The following PPP1R9B variants were observed in gnomAD, a reference collection of about 807,000 sequenced individuals.
The protein encoded by PPP1R9B is neurabin-2.
Under a neutral mutation model 75.8 loss-of-function variants are expected in PPP1R9B, and 17 were observed. The observed-to-expected ratio is 0.22, with a 90% CI of 0.15 to 0.34. The LOEUF (loss-of-function observed/expected upper bound fraction) is 0.34, where lower values mean the gene tolerates loss of function less well. Ranked by LOEUF, PPP1R9B falls within the 10% of genes least tolerant of loss-of-function variation. PPP1R9B has a pLI of 1.00. For synonymous variants in PPP1R9B, 509 were observed against 535.4 expected (o/e 0.95, Z 0.68); for missense variants, 875 against 1,196.0 (o/e 0.73, Z 3.96).
chr17:50,147,955 C>G (rs1912558350), intron 1 of PPP1R9B, among the ~76,000 whole-genome samples: 1 of 152,156 alleles, frequency 6.6e-6, no homozygotes, highest in Non-Finnish European at 1.5e-5. Context: ...GGTGCTTTGG[C>G]TAGGGAAGGG....
chr17:50,148,368 G>A (rs555288113), intron 1 of PPP1R9B, among the ~76,000 whole-genome samples: 1 of 152,330 alleles, frequency 6.6e-6, no homozygotes, highest in South Asian at 2.1e-4. Flanking sequence ...GTAAAGGCAT[G>A]CCCACTACTG....
intron 1 of PPP1R9B, chr17:50,146,095 C>T (rs73987429): frequency 0.088 from 13,475 of 152,518 alleles, 705 homozygotes; most frequent in South Asian, 0.17. Flanking sequence ...CATGGGGCTC[C>T]GAGGCCACCC....
At position 50,139,413 on chromosome 17, in the gene PPP1R9B, G is replaced by A. The variant is rs756646321; in HGVS notation, c.2019+16C>T. 3.7e-6 allele frequency: 6 copies of A among 1,611,692 alleles called. No homozygotes were observed. The Admixed American group carries it at 6.7e-5, about 18-fold the overall frequency. On this transcript the variant is annotated intron_variant, in intron 6 of 9. Coordinates refer to ENST00000612501, the MANE Select transcript of PPP1R9B (RefSeq NM_032595.5). This position sits in a 1 kb window ranked among gnomAD's most constrained non-coding sequence, Gnocchi z 5.0. Reference sequence around the variant, plus strand: ...CTGCCTTTCCCTCCACCACTCCAGGGAGCCCCTCCTCCCACCTCCTTGAAC... The same window carrying A: ...CTGCCTTTCCCTCCACCACTCCAGGAAGCCCCTCCTCCCACCTCCTTGAAC...
In PPP1R9B at chr17:50,136,204, G is replaced by A. The variant is rs1567727285; in HGVS notation, c.2074-7C>T. 1 of 1,598,748 alleles carries A rather than the reference G, an allele frequency of 6.3e-7. No individual in the cohort carries two copies. The highest frequency in any genetic ancestry group is 8.5e-7 in the Non-Finnish European group (1 of 1,179,212). On this transcript the variant is annotated splice_region_variant and splice_polypyrimidine_tract_variant and intron_variant, in intron 7 of 9. Transcript: ENST00000612501. ...CCTGCTCCAGGCTCTGCAGCTGAGA[G>A]AGAAAGGCACGGCCCTGGGTTGGTG...
intron 1 of PPP1R9B, among the ~76,000 whole-genome samples, chr17:50,145,565 C>T (rs1377514448): frequency 6.6e-6 from 1 of 152,114 alleles, no homozygotes; most frequent in Non-Finnish European, 1.5e-5. Context: ...AACTCAGGAA[C>T]CCAGACACCC....
chr17:50,141,662 C>CAAAAAAAAAA (rs398058762), intron 3 of PPP1R9B, among the ~76,000 whole-genome samples: 2 of 85,728 alleles, frequency 2.3e-5, no homozygotes, highest in Non-Finnish European at 4.9e-5. Context: ...GACCCTGCCT[C>CAAAAAAAAAA]AAAAAAAAAA....
rs1223685969 is a variant in PPP1R9B, at chr17:50,139,308, G to C, written c.2028C>G (p.Ile676Met). Residue 676 changes from isoleucine to methionine, a missense_variant, in exon 7 of 10, where the codon ATC (isoleucine) becomes ATG (methionine). Around this residue, in one of 4 missense-constraint regions of PPP1R9B, gnomAD observed 218 missense variants for 334.6 expected, o/e 0.65. Transcript: ENST00000612501. This position sits in a 1 kb window ranked among gnomAD's most constrained non-coding sequence, Gnocchi z 5.0. ...KLVHKFKELQ[I>M]KHAVTEAEIQ... ...TCTCTGCCTCAGTGACCGCATGCTT[G>C]ATCTGGAGCTGTTGGGCAGAGGGGC... 1 of 1,614,024 alleles carries C rather than the reference G, an allele frequency of 6.2e-7. No homozygotes were observed. The highest frequency in any genetic ancestry group is 1.7e-5 in the Admixed American group (1 of 60,020).
At position 50,139,993 on chromosome 17, in the gene PPP1R9B, T is replaced by C. The variant is rs1218368943; in HGVS notation, c.1866+100A>G. ...GAGGACAGGGAATGGCACTGTGGGC[T>C]TTTTACTAGGGCAGGGGAAGCAGTA... On this transcript the variant is annotated intron_variant, in intron 5 of 9. Transcript: ENST00000612501. This position sits in a 1 kb window ranked among gnomAD's most constrained non-coding sequence, Gnocchi z 5.0. The C allele has an allele frequency of 1.0e-5, 14 of 1,360,724 alleles. No individual in the cohort carries two copies. The highest frequency in any genetic ancestry group is 1.0e-6 in the Non-Finnish European group (1 of 1,002,014). 84.3% of individuals were successfully genotyped at this position (1,360,724 alleles called of 1,614,324 possible).
In PPP1R9B at chr17:50,134,966, G is replaced by T. The variant is rs1912179299; in HGVS notation, c.*365C>A. On this transcript the variant is annotated 3_prime_UTR_variant, in exon 10 of 10. Coordinates refer to ENST00000612501, the MANE Select transcript of PPP1R9B (RefSeq NM_032595.5). ...CCCCCAGTTGGCAGATGCTGGGAGA[G>T]CCCCAGCCCCGTTCCAGTCCAGAGA... is the stretch of plus-strand genomic sequence containing the variant. 2 of 247,992 alleles carry T rather than the reference G, an allele frequency of 8.1e-6. No individual in the cohort carries two copies. The highest frequency in any genetic ancestry group is 4.5e-5 in the African/African-American group (2 of 44,508). The allele number at this position is 247,992 out of a possible 1,614,324, so 15.4% of individuals were successfully genotyped here.
chr17:50,150,439 C>A lies in PPP1R9B; in HGVS notation c.75G>T (p.Ala25=). Residue 25 remains alanine (A), a synonymous_variant, in exon 1 of 10, where the codon GCG becomes GCT. Coordinates refer to ENST00000612501, the MANE Select transcript of PPP1R9B (RefSeq NM_032595.5). The surrounding 1 kb of genome is among the most constrained non-coding windows in gnomAD (Gnocchi z 8.7). ...CGGGCGGCTTCAGCGCCTGGATGCCCGCCTCGTAGGCGCTGCGGTGCGGGG... is the reference window on the plus strand; with the variant it reads ...CGGGCGGCTTCAGCGCCTGGATGCCAGCCTCGTAGGCGCTGCGGTGCGGGG... The part of the protein sequence containing the change: ...SASPHRSAYE[A]GIQALKPPDA... The A allele has an allele frequency of 7.2e-7, 1 of 1,386,104 alleles. No homozygotes were observed. The highest frequency in any genetic ancestry group is 9.4e-7 in the Non-Finnish European group (1 of 1,064,736). The allele number at this position is 1,386,104 out of a possible 1,614,324, so 85.9% of individuals were successfully genotyped here.
chr17:50,140,411 C>T (rs1324003092), intron 4 of PPP1R9B, 183 bp from the exon 5 acceptor site: 18 of 807,976 alleles, frequency 2.2e-5, no homozygotes, highest in Non-Finnish European at 3.4e-5. Context: ...AGGTTTCCTT[C>T]CCAAGGGAGG....
At position 50,150,351 on chromosome 17, in the gene PPP1R9B, G is replaced by C. The variant is rs924355002; in HGVS notation, c.163C>G (p.His55Asp). The C allele has an allele frequency of 1.4e-6, 2 of 1,436,512 alleles. No homozygotes were observed. The highest frequency in any genetic ancestry group is 6.4e-5 in the Admixed American group (2 of 31,152). The allele number at this position is 1,436,512 out of a possible 1,614,324, so 89.0% of individuals were successfully genotyped here. A position where few individuals can be genotyped will look rare whatever the true frequency, so the allele number is the denominator to read the frequency against. Reference sequence around the variant, plus strand: ...TGCAGGAACATACTTTTGATGCGGTGGACGTTGGAGCCATATTTCTTGTGG... The same window carrying C: ...TGCAGGAACATACTTTTGATGCGGTCGACGTTGGAGCCATATTTCTTGTGG... Reference protein sequence around the residue: ...AHHKKYGSNVHRIKSMFLQMG... With the variant: ...AHHKKYGSNVDRIKSMFLQMG... Residue 55 changes from histidine (H) to aspartate (D), a missense_variant, in exon 1 of 10, where the codon CAC becomes GAC. By Grantham distance (81) the His-to-Asp change is moderately conservative. Coordinates refer to ENST00000612501, the MANE Select transcript of PPP1R9B (RefSeq NM_032595.5). This position sits in a 1 kb window ranked among gnomAD's most constrained non-coding sequence, Gnocchi z 8.7.
At chr17:50,136,278 A>G (rs1912227718) in intron 7 of PPP1R9B, 81 bp from the exon 8 acceptor site, 3 of 1,201,874 alleles carry the variant, frequency 2.5e-6, no homozygotes, top group African/African-American at 1.5e-5. Context: ...CTGGGGCCAG[A>G]GTCGCCAGGG....
In PPP1R9B at chr17:50,149,401, G is replaced by A. The variant is rs1309876900; in HGVS notation, c.1113C>T (p.Ala371=). 2 of 1,611,978 alleles carry A rather than the reference G, an allele frequency of 1.2e-6. No homozygotes were observed. Among genetic ancestry groups the A allele is most frequent in the Admixed American group, 1.7e-5 (1 of 59,944 alleles). ...CTACCTCCTCAGGGGCCACGTCCGG[G>A]GCCCGGCCATTGCCCACCCCCCTCT... ...PPERGVGNGR[A]PDVAPEEVDE... The change falls in exon 1 of 10, where the codon GCC becomes GCT. Residue 371 remains alanine (A), a synonymous_variant. Coordinates refer to ENST00000612501, the MANE Select transcript of PPP1R9B (RefSeq NM_032595.5). The surrounding 1 kb of genome is among the most constrained non-coding windows in gnomAD (Gnocchi z 7.2).
chr17:50,135,938 G>GCGCCCCCCCCCCC, intron 8 of PPP1R9B, 30 bp downstream of exon 8: 1 of 1,419,246 alleles, frequency 7.0e-7, no homozygotes, highest in South Asian at 1.3e-5. Flanking sequence ...TGCTCCCTGG[G>GCGCCCCCCCCCCC]CCCAGCCCGC....
chr17:50,141,247 C>A (rs1052831310), intron 4 of PPP1R9B, 22 bp downstream of exon 4: 2 of 1,529,554 alleles, frequency 1.3e-6, no homozygotes, highest in African/African-American at 2.8e-5. Context: ...CGCTCCCACG[C>A]CCCACCCCTC....
chr17:50,143,830 G>T, intron 2 of PPP1R9B, 112 bp from the exon 3 acceptor site: 2 of 1,434,774 alleles, frequency 1.4e-6, no homozygotes, highest in Non-Finnish European at 1.9e-6. Flanking sequence ...CCCATTAGGG[G>T]ATGTCCCACA....
intron 9 of PPP1R9B, 59 bp downstream of exon 9, chr17:50,135,494 T>C: frequency 1.3e-6 from 2 of 1,577,192 alleles, no homozygotes; most frequent in South Asian, 1.1e-5. Context: ...ACCCACAGGG[T>C]AGGGGCTTCA....
In PPP1R9B at chr17:50,149,662, G is replaced by T. The variant is rs1418653716; in HGVS notation, c.852C>A (p.Ala284=). 6.6e-7 allele frequency: 1 copy of T among 1,506,754 alleles called. No homozygotes were observed. The highest frequency in any genetic ancestry group is 1.3e-5 in the South Asian group (1 of 79,538). The allele number at this position is 1,506,754 out of a possible 1,614,324, so 93.3% of individuals were successfully genotyped here. A position where few individuals can be genotyped will look rare whatever the true frequency, so the allele number is the denominator to read the frequency against. Residue 284 remains alanine, a synonymous_variant, in exon 1 of 10, where the codon GCC becomes GCA. Transcript: ENST00000612501. The surrounding 1 kb of genome is among the most constrained non-coding windows in gnomAD (Gnocchi z 7.2). ...GGGGCTTGGGGGGCGGCCGGGCAGG[G>T]GCCACTCGGTGCTGCGGGGGCTGCT... ...AGQQPPQHRV[A]PARPPPKPRE...
Sources: allele counts gnomAD v4.1 joint callset (sites outside exome capture counted in the v4.1 genomes callset), GRCh38; gene constraint gnomAD v4.1.1; regional missense constraint gnomAD v4.1.1; non-coding constraint Gnocchi (gnomAD v3.1); transcripts MANE v1.5; gene names NCBI Gene and HGNC (gene_info 2026-07-23, HGNC 2026-07-21).